LCORL: variants seen among roughly 807,000 people sequenced by gnomAD.
LCORL encodes ligand-dependent nuclear receptor corepressor-like protein.
Under a neutral mutation model 141.8 loss-of-function variants are expected in LCORL, and 41 were observed. The ratio of observed to expected loss-of-function variants is 0.29; its 90% CI spans 0.23 to 0.38. LCORL has a LOEUF of 0.38. LCORL is among the 10% of genes least tolerant of loss of function. The probability of loss-of-function intolerance (pLI) is 1.00; values close to 1 mark genes in which losing one functional copy is unlikely to be tolerated. For missense variants in LCORL, 1,759 were observed against 2,035.0 expected, an observed-to-expected ratio of 0.86 and a Z score of 2.61; for synonymous variants, 618 against 694.1, an observed-to-expected ratio of 0.89 and a Z score of 1.72.
intron 7 of LCORL, among the ~76,000 whole-genome samples, chr4:17,854,434 A>G (rs891366819): frequency 6.6e-6 from 1 of 152,182 alleles, no homozygotes; most frequent in Non-Finnish European, 1.5e-5. Context: ...AAATATGGCA[A>G]ATATGTGTAT....
intron 4 of LCORL, among the ~76,000 whole-genome samples, chr4:17,923,459 A>G (rs1020474842): frequency 1.3e-5 from 2 of 152,234 alleles, no homozygotes; most frequent in Non-Finnish European, 2.9e-5. Flanking sequence ...CAGCCTGGCC[A>G]ACATGGTGAA....
intron 4 of LCORL, among the ~76,000 whole-genome samples, chr4:17,948,548 T>C (rs987105916): frequency 7.9e-5 from 12 of 151,980 alleles, no homozygotes; most frequent in East Asian, 1.9e-4. Flanking sequence ...TATCTGGAAG[T>C]TGATAACCTA....
At chr4:17,901,317 A>T (rs537308479) in intron 5 of LCORL, among the ~76,000 whole-genome samples, 7 of 152,098 alleles carry the variant, frequency 4.6e-5, no homozygotes, top group Non-Finnish European at 1.0e-4. Context: ...CACAACAATC[A>T]TACCAAACAG....
intron 7 of LCORL, among the ~76,000 whole-genome samples, chr4:17,852,468 C>T (rs1344100958): frequency 2.6e-5 from 4 of 152,036 alleles, no homozygotes; most frequent in African/African-American, 7.2e-5. Context: ...AATTAGCATG[C>T]TTTAAAAACC....
chr4:17,903,369 T>C (rs1731159451), intron 5 of LCORL, among the ~76,000 whole-genome samples: 1 of 152,062 alleles, frequency 6.6e-6, no homozygotes, highest in African/African-American at 2.4e-5. Context: ...AATCTGATCT[T>C]GTTCTGTATA....
exon 7 of LCORL, chr4:17,875,834 A>G (rs1726857920): frequency 1.6e-6 from 2 of 1,231,262 alleles, no homozygotes; most frequent in Non-Finnish European, 2.0e-6. Context: ...CACTATTTAT[A>G]TCACCTATAA....
intron 4 of LCORL, among the ~76,000 whole-genome samples, chr4:17,946,892 C>T (rs993453589): frequency 1.3e-5 from 2 of 151,838 alleles, no homozygotes; most frequent in African/African-American, 4.8e-5. Flanking sequence ...AAAAGGGAAC[C>T]CATGTGCACT....
rs552149438 is a variant in LCORL at position 17,989,637 on chromosome 4, T to G, written c.155-16752A>C. ...TCAATATCTTCATATATGTCCAAAATAAAAAAGAAAAAGTTAAAAATACTA... is the reference window on the plus strand; with the variant it reads ...TCAATATCTTCATATATGTCCAAAAGAAAAAAGAAAAAGTTAAAAATACTA... On this transcript the variant is annotated intron_variant, in intron 1 of 7. Transcript: ENST00000635767. Among the ~76,000 whole-genome samples the G allele has an allele frequency of 3.3e-5, 5 of 152,174 alleles. No individual in the cohort carries two copies. In the South Asian group the frequency reaches 1.0e-3, roughly 32 times the overall value.
intron 7 of LCORL, among the ~76,000 whole-genome samples, chr4:17,846,185 G>C (rs577348079): frequency 6.6e-6 from 1 of 152,164 alleles, no homozygotes; most frequent in South Asian, 2.1e-4. Flanking sequence ...ATTTAACCTT[G>C]TGAGCCTGGT....
intron 6 of LCORL, chr4:17,880,242 C>A: frequency 6.1e-6 from 1 of 162,834 alleles, no homozygotes; most frequent in Non-Finnish European, 1.3e-5. Context: ...TCACAATATG[C>A]TTATTTGGCT....
At chr4:17,994,902 G>A (rs886436544) in intron 1 of LCORL, among the ~76,000 whole-genome samples, 1 of 152,004 alleles carries the variant, frequency 6.6e-6, no homozygotes, top group Non-Finnish European at 1.5e-5. Flanking sequence ...CCAATGCCTG[G>A]TCCATGCTAG....
In LCORL at chr4:17,923,676, C is replaced by T. The variant is rs535964694; in HGVS notation, c.431-14331G>A. 2.0e-5 allele frequency among the ~76,000 whole-genome samples: 3 copies of T among 151,926 alleles called. No individual in the cohort carries two copies. In the South Asian group the frequency reaches 6.3e-4, roughly 32 times the overall value. On this transcript the variant is annotated intron_variant, in intron 4 of 7. Transcript: ENST00000635767. ...CCCACCCTCCCCCAAAAAAAGATGG[C>T]CCTCTGTGAGCGAGCTGGAAATGCC...
intron 7 of LCORL, among the ~76,000 whole-genome samples, chr4:17,846,539 G>A (rs569129305): frequency 6.6e-6 from 1 of 152,262 alleles, no homozygotes; most frequent in South Asian, 2.1e-4. Flanking sequence ...CTCATCAGAG[G>A]AGCATGCGGC....
chr4:17,986,150 C>T (rs1718929394), intron 1 of LCORL, among the ~76,000 whole-genome samples: 1 of 152,092 alleles, frequency 6.6e-6, no homozygotes, highest in African/African-American at 2.4e-5. Context: ...GATAGGGTTC[C>T]CTTTTGTAAA....
exon 7 of LCORL, chr4:17,876,769 C>T (rs2109186135): frequency 8.1e-7 from 1 of 1,230,706 alleles, no homozygotes. Context: ...AATTGTTTTC[C>T]ATCTGCAGAT....
intron 1 of LCORL, among the ~76,000 whole-genome samples, chr4:17,985,162 G>T (rs1197900035): frequency 6.6e-6 from 1 of 152,144 alleles, no homozygotes; most frequent in African/African-American, 2.4e-5. Context: ...TTCTGCATTT[G>T]CTGAGGATTG....
intron 4 of LCORL, among the ~76,000 whole-genome samples, chr4:17,920,552 T>G (rs755447987): frequency 6.6e-5 from 10 of 152,186 alleles, no homozygotes; most frequent in Non-Finnish European, 1.2e-4. Context: ...ATTTGCCCAC[T>G]GATTGATTCT....
intron 1 of LCORL, among the ~76,000 whole-genome samples, chr4:17,990,103 T>A (rs1719704895): frequency 6.7e-6 from 1 of 149,846 alleles, no homozygotes; most frequent in Non-Finnish European, 1.5e-5. Context: ...TGCGTTTTTT[T>A]TTTTTTTTTT....
intron 1 of LCORL, among the ~76,000 whole-genome samples, chr4:17,985,981 C>T (rs12503380): frequency 0.032 from 4,857 of 152,174 alleles, 109 homozygotes; most frequent in African/African-American, 0.06. Context: ...TCAGTATTTG[C>T]TTATTTAAAA....
Sources: gnomAD v4.1 joint callset for allele counts (sites outside exome capture counted in the v4.1 genomes callset) on GRCh38, gnomAD v4.1.1 for gene constraint, MANE v1.5 for transcripts, NCBI Gene and HGNC (gene_info 2026-07-23, HGNC 2026-07-21) for gene names.